The following SORCS3 variants were observed in gnomAD, a reference collection of about 807,000 sequenced individuals.
SORCS3 encodes the protein VPS10 domain-containing receptor SorCS3.
In SORCS3, 57 loss-of-function variants were observed where a neutral mutation model predicts 146.3. The ratio of observed to expected loss-of-function variants is 0.39; its 90% CI spans 0.31 to 0.49. The LOEUF is 0.49. Ranked by LOEUF, SORCS3 falls within the 20% of genes least tolerant of loss-of-function variation. SORCS3 has a pLI of 0.92. For missense variants in SORCS3, 1,341 were observed against 1,575.5 expected (o/e 0.85, Z 2.52); for synonymous variants, 653 against 618.5 (o/e 1.06, Z -0.83).
chr10:105,038,021 G>A (rs1384390923), intron 4 of SORCS3, among the ~76,000 whole-genome samples: 3 of 152,192 alleles, frequency 2.0e-5, no homozygotes, highest in African/African-American at 7.2e-5. Flanking sequence ...TTTTCCAGCT[G>A]TTCCAGTGAT....
chr10:104,740,400 G>C (rs1229024886), intron 1 of SORCS3, among the ~76,000 whole-genome samples: 1 of 152,226 alleles, frequency 6.6e-6, no homozygotes, highest in African/African-American at 2.4e-5. Flanking sequence ...AGTCTCTGCT[G>C]TCGTCTCACT....
Position 104,641,396 on chromosome 10 carries a change from A to G in SORCS3, c.69A>G (p.Leu23=). ...PGAPLVRTGL[L]LLSTWVLAGA... ...CGCCGCTTGTCCGGACGGGGCTCCT[A>G]CTCTTGTCGACGTGGGTCCTGGCCG... Residue 23 remains leucine, a synonymous_variant, in exon 1 of 27, where the codon CTA becomes CTG. Transcript: ENST00000369701. The surrounding 1 kb of genome is among the most constrained non-coding windows in gnomAD (Gnocchi z 6.4). 1 of 1,457,118 alleles carries G rather than the reference A, an allele frequency of 6.9e-7. No homozygotes were observed. Among genetic ancestry groups the G allele is most frequent in the South Asian group, 1.3e-5 (1 of 75,858 alleles). 90.3% of individuals were successfully genotyped at this position (1,457,118 alleles called of 1,614,324 possible).
chr10:105,176,635 T>G (rs1278265635), intron 13 of SORCS3, among the ~76,000 whole-genome samples: 1 of 151,842 alleles, frequency 6.6e-6, no homozygotes, highest in Non-Finnish European at 1.5e-5. Flanking sequence ...GTGGGTGGGT[T>G]ACGAGGCCAG....
chr10:104,685,571 C>G (rs2016034463), intron 1 of SORCS3, among the ~76,000 whole-genome samples: 2 of 152,218 alleles, frequency 1.3e-5, no homozygotes, highest in Admixed American at 1.3e-4. Flanking sequence ...ACCCCTCAGC[C>G]AAGCAGTGCC....
intron 1 of SORCS3, among the ~76,000 whole-genome samples, chr10:104,696,033 A>AATATATAATATATATCATATACAC (rs2016175705): frequency 8.0e-6 from 1 of 125,718 alleles, no homozygotes; most frequent in African/African-American, 3.1e-5. Context: ...ATACACATAT[A>AATATATAATATATATCATATACAC]ATATATAATA....
intron 1 of SORCS3, among the ~76,000 whole-genome samples, chr10:104,832,111 G>C (rs910069866): frequency 6.6e-6 from 1 of 152,150 alleles, no homozygotes; most frequent in African/African-American, 2.4e-5. Context: ...TAGTGTGATA[G>C]AATAATTCAA....
rs867953746 is a variant in SORCS3 at position 105,016,159 on chromosome 10, T to A, written c.955-26896T>A. ...AATATATATATATATATATATATTT[T>A]TTTTTTTTTTTGAGATGGAGTCTCG... On this transcript the variant is annotated intron_variant, in intron 4 of 26. Coordinates refer to ENST00000369701, the MANE Select transcript of SORCS3 (RefSeq NM_014978.3). Among the ~76,000 whole-genome samples, 1,055 of 112,388 alleles carry A rather than the reference T, an allele frequency of 9.4e-3. 22 individuals carry two copies. Among genetic ancestry groups the A allele is most frequent in the African/African-American group, 0.034 (872 of 25,376 alleles). The allele number at this position is 112,388 out of a possible 152,430, so 73.7% of individuals were successfully genotyped here. A position where few individuals can be genotyped will look rare whatever the true frequency, so the allele number is the denominator to read the frequency against.
intron 7 of SORCS3, among the ~76,000 whole-genome samples, chr10:105,107,775 A>G (rs1475387147): frequency 6.6e-6 from 1 of 152,168 alleles, no homozygotes; most frequent in African/African-American, 2.4e-5. Context: ...TATGATGTAA[A>G]CATCCATATA....
At chr10:104,999,796 A>G (rs1032281911) in intron 4 of SORCS3, among the ~76,000 whole-genome samples, 7 of 152,096 alleles carry the variant, frequency 4.6e-5, no homozygotes, top group African/African-American at 1.7e-4. Flanking sequence ...CCATTAGTCC[A>G]CAAGTGGGAC....
intron 7 of SORCS3, among the ~76,000 whole-genome samples, chr10:105,114,234 G>A (rs1312451333): frequency 6.6e-6 from 1 of 152,012 alleles, no homozygotes. Flanking sequence ...CCTTCAATGT[G>A]GTAAGAGTTC....
chr10:104,815,886 A>G (rs1285250207), intron 1 of SORCS3, among the ~76,000 whole-genome samples: 2 of 152,152 alleles, frequency 1.3e-5, no homozygotes, highest in Non-Finnish European at 2.9e-5. Context: ...TCCCCATAAG[A>G]CCATGTAGTT....
chr10:104,948,115 C>T lies in SORCS3; in HGVS notation c.796-29220C>T, dbSNP rs145214647. On this transcript the variant is annotated intron_variant, in intron 3 of 26. Transcript: ENST00000369701. Reference sequence around the variant, plus strand: ...ACAACTATCATGCTTTTTCCAACTGCATATTGTCCACCTCTTCTGCCTGAT... The same window carrying T: ...ACAACTATCATGCTTTTTCCAACTGTATATTGTCCACCTCTTCTGCCTGAT... Among the ~76,000 whole-genome samples the T allele has an allele frequency of 6.0e-4, 91 of 152,296 alleles. 3 individuals are homozygous for T. In the East Asian group the frequency reaches 0.015, roughly 25 times the overall value.
intron 1 of SORCS3, among the ~76,000 whole-genome samples, chr10:104,786,549 A>AAATAATAAT (rs10644058): frequency 0.022 from 3,140 of 140,502 alleles, 58 homozygotes; most frequent in African/African-American, 0.031. Flanking sequence ...ACTCCATCTA[A>AAATAATAAT]AATAATAATA....
At chr10:105,246,741 C>T (rs1215115679) in intron 21 of SORCS3, among the ~76,000 whole-genome samples, 1 of 152,222 alleles carries the variant, frequency 6.6e-6, no homozygotes, top group Admixed American at 6.5e-5. Flanking sequence ...AAAGTGAATG[C>T]ACTTGTATAC....
chr10:104,727,829 G>A (rs1338801469), intron 1 of SORCS3, among the ~76,000 whole-genome samples: 1 of 152,070 alleles, frequency 6.6e-6, no homozygotes, highest in African/African-American at 2.4e-5. Flanking sequence ...GAACCTTACT[G>A]TGAACTGTGC....
intron 1 of SORCS3, among the ~76,000 whole-genome samples, chr10:104,727,211 T>C (rs1469896619): frequency 6.6e-6 from 1 of 152,212 alleles, no homozygotes; most frequent in Non-Finnish European, 1.5e-5. Flanking sequence ...TAAATTACCA[T>C]TGAATAAATT....
At chr10:104,692,419 A>G (rs1271536798) in intron 1 of SORCS3, among the ~76,000 whole-genome samples, 5 of 152,196 alleles carry the variant, frequency 3.3e-5, no homozygotes, top group Non-Finnish European at 5.9e-5. Flanking sequence ...TATGTACACA[A>G]TCAGTTCCTA....
At chr10:104,705,230 T>TG (rs1215578572) in intron 1 of SORCS3, among the ~76,000 whole-genome samples, 7 of 151,482 alleles carry the variant, frequency 4.6e-5, no homozygotes, top group Admixed American at 4.6e-4. Context: ...CCTTCGTTTT[T>TG]TTTTTTTTTT....
chr10:104,856,166 T>TA (rs1338408199), intron 2 of SORCS3, among the ~76,000 whole-genome samples: 2 of 152,114 alleles, frequency 1.3e-5, no homozygotes, highest in Non-Finnish European at 2.9e-5. Flanking sequence ...TGTATTAGTA[T>TA]AATTCATTTA....
Sources: allele counts gnomAD v4.1 joint callset (sites outside exome capture counted in the v4.1 genomes callset), GRCh38; gene constraint gnomAD v4.1.1; non-coding constraint Gnocchi (gnomAD v3.1); transcripts MANE v1.5; gene names NCBI Gene and HGNC (gene_info 2026-07-23, HGNC 2026-07-21).